Variants in NEDD4L observed in about 807,000 individuals in gnomAD.
NEDD4L encodes the protein NEDD4 like E3 ubiquitin protein ligase.
A neutral mutation model predicts 148.9 loss-of-function variants in NEDD4L; 54 were observed. That is an observed-to-expected ratio of 0.36 (90% CI 0.29 to 0.45). NEDD4L has a LOEUF of 0.45. NEDD4L is among the 20% of genes least tolerant of loss of function. The pLI, the probability that NEDD4L is intolerant of heterozygous loss-of-function variation, is 1.00. For synonymous variants in NEDD4L, 433 were observed against 440.7 expected, an observed-to-expected ratio of 0.98 and a Z score of 0.22; for missense variants, 856 against 1,233.8, an observed-to-expected ratio of 0.69 and a Z score of 4.59.
rs1407427925 is a variant in NEDD4L at position 58,400,797 on chromosome 18, G to C, written c.*4528G>C. ...CAGATATGTGTTCCCGTGTAAGCCA[G>C]TTTTCCCCTTTTACTCAGACTGATT... On this transcript the variant is annotated 3_prime_UTR_variant, in exon 31 of 31. Transcript: ENST00000400345. 1 of 152,178 alleles carries C rather than the reference G, an allele frequency of 6.6e-6. No homozygotes were observed. Among genetic ancestry groups the C allele is most frequent in the African/African-American group, 2.4e-5 (1 of 41,430 alleles). 9.4% of individuals were successfully genotyped at this position (152,178 alleles called of 1,614,324 possible). A position where few individuals can be genotyped will look rare whatever the true frequency, so the allele number is the denominator to read the frequency against.
intron 18 of NEDD4L, among the ~76,000 whole-genome samples, chr18:58,353,109 G>A (rs1211545059): frequency 6.6e-6 from 1 of 152,192 alleles, no homozygotes; most frequent in Non-Finnish European, 1.5e-5. Flanking sequence ...ACTCACTTGA[G>A]GAGCAGTAGG....
At chr18:58,049,742 C>T (rs1005957451) in intron 1 of NEDD4L, among the ~76,000 whole-genome samples, 39 of 151,884 alleles carry the variant, frequency 2.6e-4, no homozygotes, top group African/African-American at 8.2e-4. Flanking sequence ...TTTGGGAGGC[C>T]GAGGCAGGAG....
At chr18:58,358,429 A>T (rs2045011945) in intron 19 of NEDD4L, among the ~76,000 whole-genome samples, 2 of 152,194 alleles carry the variant, frequency 1.3e-5, no homozygotes, top group East Asian at 3.8e-4. Flanking sequence ...TCTCTTCTAC[A>T]TCATTAGAAC....
At chr18:58,116,096 C>T (rs1485210266) in intron 1 of NEDD4L, among the ~76,000 whole-genome samples, 1 of 152,194 alleles carries the variant, frequency 6.6e-6, no homozygotes, top group Non-Finnish European at 1.5e-5. Flanking sequence ...AGCGCACACC[C>T]CAGTGTGCCT....
At chr18:58,056,497 T>C (rs2082091286) in intron 1 of NEDD4L, among the ~76,000 whole-genome samples, 2 of 152,248 alleles carry the variant, frequency 1.3e-5, no homozygotes, top group Admixed American at 6.5e-5. Flanking sequence ...TTCATTGTTT[T>C]TTCTGCTTTC....
intron 15 of NEDD4L, 142 bp downstream of exon 15, chr18:58,341,939 C>T (rs1345025200): frequency 5.4e-6 from 5 of 918,900 alleles, no homozygotes; most frequent in African/African-American, 3.3e-5. Context: ...TGTTCTTGTG[C>T]AGCCTTTCTA....
chr18:58,262,500 C>T (rs1376485620), intron 5 of NEDD4L, among the ~76,000 whole-genome samples: 4 of 151,984 alleles, frequency 2.6e-5, no homozygotes, highest in African/African-American at 9.7e-5. Context: ...GTGGTGGCCT[C>T]TGTCTGTAGT....
At chr18:58,094,056 ACT>A (rs1356692428) in intron 1 of NEDD4L, among the ~76,000 whole-genome samples, 1 of 151,564 alleles carries the variant, frequency 6.6e-6, no homozygotes, top group East Asian at 1.9e-4. Flanking sequence ...GGCATAAGTC[ACT>A]CTCTACTACC....
intron 2 of NEDD4L, among the ~76,000 whole-genome samples, chr18:58,245,197 A>G (rs2047110752): frequency 6.6e-6 from 1 of 152,184 alleles, no homozygotes; most frequent in Admixed American, 6.5e-5. Context: ...TCTGTCTTTA[A>G]AATTATATAT....
chr18:58,089,299 A>G (rs2083932493), intron 1 of NEDD4L, among the ~76,000 whole-genome samples: 1 of 151,470 alleles, frequency 6.6e-6, no homozygotes, highest in Admixed American at 6.6e-5. Context: ...ATGCCTGACT[A>G]ATCTTTTGTA....
intron 11 of NEDD4L, among the ~76,000 whole-genome samples, chr18:58,333,278 T>TA (rs910110108): frequency 0.016 from 2,112 of 129,332 alleles, 49 homozygotes; most frequent in African/African-American, 0.048. Flanking sequence ...ACTCTATATT[T>TA]AAAAAAAAAA....
intron 18 of NEDD4L, among the ~76,000 whole-genome samples, chr18:58,355,975 C>A (rs9949716): frequency 1.3e-5 from 2 of 151,970 alleles, no homozygotes; most frequent in Admixed American, 6.6e-5. Flanking sequence ...TCCCCCGCCC[C>A]GGTCCCCAAG....
At chr18:58,250,889 A>G (rs1029929709) in intron 4 of NEDD4L, among the ~76,000 whole-genome samples, 2 of 152,234 alleles carry the variant, frequency 1.3e-5, no homozygotes, top group Admixed American at 1.3e-4. Context: ...TTAGTAAATG[A>G]TACCTGAGTT....
intron 3 of NEDD4L, 118 bp downstream of exon 3, chr18:58,245,626 C>A: frequency 2.0e-6 from 1 of 492,744 alleles, no homozygotes. Context: ...AGTGATAGTC[C>A]CGTGAGATTA....
intron 18 of NEDD4L, among the ~76,000 whole-genome samples, chr18:58,354,658 G>A (rs1043301900): frequency 5.9e-5 from 9 of 152,208 alleles, no homozygotes; most frequent in African/African-American, 2.2e-4. Flanking sequence ...GTCTTAAGTG[G>A]TAGAGAGGGG....
intron 1 of NEDD4L, among the ~76,000 whole-genome samples, chr18:58,066,577 C>T (rs889410111): frequency 3.1e-4 from 47 of 152,060 alleles, no homozygotes; most frequent in African/African-American, 1.1e-3. Flanking sequence ...CTTGGCCTCC[C>T]AAACTGCTAG....
At chr18:58,150,801 G>T (rs1305671214) in intron 1 of NEDD4L, among the ~76,000 whole-genome samples, 1 of 152,078 alleles carries the variant, frequency 6.6e-6, no homozygotes, top group Non-Finnish European at 1.5e-5. Context: ...TAGCCATGGT[G>T]GCTGTGGTTG....
At chr18:58,051,791 T>C (rs1172478285) in intron 1 of NEDD4L, among the ~76,000 whole-genome samples, 1 of 152,218 alleles carries the variant, frequency 6.6e-6, no homozygotes, top group East Asian at 1.9e-4. Flanking sequence ...GATCTTTTGG[T>C]AGTCCATGCT....
At chr18:58,243,760 G>A (rs1319314864) in intron 2 of NEDD4L, among the ~76,000 whole-genome samples, 3 of 152,080 alleles carry the variant, frequency 2.0e-5, no homozygotes, top group Non-Finnish European at 2.9e-5. Flanking sequence ...CCGCTTAGAT[G>A]TTATTTAACC....
Sources: allele counts gnomAD v4.1 joint callset (sites outside exome capture counted in the v4.1 genomes callset), GRCh38; gene constraint gnomAD v4.1.1; transcripts MANE v1.5; gene names NCBI Gene and HGNC (gene_info 2026-07-23, HGNC 2026-07-21).